Variants in STAT5A observed in about 807,000 individuals in gnomAD.
The protein encoded by STAT5A is signal transducer and activator of transcription 5A.
A neutral mutation model predicts 100.2 loss-of-function variants in STAT5A; 26 were observed. The observed-to-expected ratio is 0.26, with a 90% confidence interval of 0.19 to 0.36. STAT5A has a LOEUF of 0.36. Ranked by LOEUF, STAT5A falls within the 10% of genes least tolerant of loss-of-function variation. STAT5A has a pLI of 1.00. For synonymous variants in STAT5A, 330 were observed against 424.3 expected (o/e 0.78, Z 2.73); for missense variants, 634 against 1,027.5 (o/e 0.62, Z 5.24).
rs1441088020 is a variant in STAT5A at position 42,310,632 on chromosome 17, C to T, written c.2348C>T (p.Ala783Val). 1.2e-6 allele frequency: 2 copies of T among 1,614,084 alleles called. No homozygotes were observed. The highest frequency in any genetic ancestry group is 1.7e-6 in the Non-Finnish European group (2 of 1,180,040). ...DSLDSRLSPP[A>V]GLFTSARGSL... ...CTTGACTCCCGCCTCTCGCCCCCTG[C>T]CGGTCTTTTCACCTCTGCCAGAGGC... Residue 783 changes from alanine to valine, a missense_variant, in exon 19 of 19, where the codon GCC becomes GTC. By Grantham distance (64) the Ala-to-Val change is moderately conservative. Coordinates refer to ENST00000590949, the MANE Select transcript of STAT5A (RefSeq NM_001288718.2).
chr17:42,305,808 G>C (rs983745919), intron 12 of STAT5A, 106 bp downstream of exon 12: 19 of 1,232,976 alleles, frequency 1.5e-5, no homozygotes, highest in Non-Finnish European at 2.2e-5. Context: ...CTCACCCCAG[G>C]GCCAGCCCAG....
At chr17:42,301,503 T>C (rs755359670) in intron 9 of STAT5A, 49 bp downstream of exon 9, 4 of 1,603,578 alleles carry the variant, frequency 2.5e-6, no homozygotes, top group East Asian at 2.2e-5. Context: ...GTGGGGGACC[T>C]GCACCCCCCG....
rs751786374 is a variant in STAT5A at position 42,308,419 on chromosome 17, A to T, written c.2062+86A>T. ...CAAAGCCTTGGGCTGCGCCGTGGGG[A>T]CTTCCCCAGGAGGAGCCTAGGGGCC... On this transcript the variant is annotated intron_variant, in intron 16 of 18. Coordinates refer to ENST00000590949, the MANE Select transcript of STAT5A (RefSeq NM_001288718.2). The surrounding 1 kb of genome is among the most constrained non-coding windows in gnomAD (Gnocchi z 4.6). 6.3e-7 allele frequency: 1 copy of T among 1,592,516 alleles called. No individual in the cohort carries two copies. Among genetic ancestry groups the T allele is most frequent in the Non-Finnish European group, 8.6e-7 (1 of 1,167,744 alleles).
At position 42,289,888 on chromosome 17, in the gene STAT5A, C is replaced by T. The variant is rs745515755; in HGVS notation, c.151C>T (p.Pro51Ser). Residue 51 changes from proline to serine, a missense_variant, in exon 3 of 19, where the codon CCC becomes TCC. By Grantham distance (74) the Pro-to-Ser change is moderately conservative (BLOSUM62 -1). Transcript: ENST00000590949. ...QPWDAIDLDN[P>S]QDRAQATQLL... ...AAGGGATGCCATTGACTTGGACAAT[C>T]CCCAGGACAGAGCCCAAGCCACCCA... The T allele has an allele frequency of 7.6e-6, 12 of 1,583,058 alleles. No homozygotes were observed. The highest frequency in any genetic ancestry group is 1.2e-5 in the South Asian group (1 of 86,618).
At chr17:42,298,657 G>A (rs1445797077) in intron 5 of STAT5A, among the ~76,000 whole-genome samples, 1 of 151,792 alleles carries the variant, frequency 6.6e-6, no homozygotes, top group African/African-American at 2.4e-5. Context: ...GTTTTTAGTA[G>A]AGATGGGGTT....
Position 42,295,820 on chromosome 17 carries a change from T to C in STAT5A, c.550+27T>C, listed in dbSNP as rs542985659. ...TGAGGCGCGGTGGAGGCAGTGTGCA[T>C]CCGGAGGGTGGGAGTGAGGAACATT... On this transcript the variant is annotated intron_variant, in intron 5 of 18. Transcript: ENST00000590949. 45 of 1,611,460 alleles carry C rather than the reference T, an allele frequency of 2.8e-5. No individual in the cohort carries two copies. The South Asian group carries it at 4.7e-4, about 17-fold the overall frequency.
Position 42,289,444 on chromosome 17 carries a change from G to T in STAT5A, c.33G>T (p.Gln11His). MAGWIQAQQL[Q>H]GDALRQMQVL... Reference sequence around the variant, plus strand: ...GCTGGATCCAGGCCCAGCAGCTGCAGGGAGACGCGCTGCGCCAGATGCAGG... The same window carrying T: ...GCTGGATCCAGGCCCAGCAGCTGCATGGAGACGCGCTGCGCCAGATGCAGG... Residue 11 changes from glutamine to histidine, a missense_variant, in exon 2 of 19, where the codon CAG (glutamine) becomes CAT (histidine). Coordinates refer to ENST00000590949, the MANE Select transcript of STAT5A (RefSeq NM_001288718.2). 1 of 1,612,760 alleles carries T rather than the reference G, an allele frequency of 6.2e-7. No individual in the cohort carries two copies. The highest frequency in any genetic ancestry group is 8.5e-7 in the Non-Finnish European group (1 of 1,179,796).
At position 42,296,180 on chromosome 17, in the gene STAT5A, A is replaced by G. The variant is rs537097856; in HGVS notation, c.550+387A>G. Among the ~76,000 whole-genome samples, 57 of 152,308 alleles carry G rather than the reference A, an allele frequency of 3.7e-4. 1 individual carries two copies. Among genetic ancestry groups the G allele is most frequent in the African/African-American group, 1.3e-3 (55 of 41,542 alleles). On this transcript the variant is annotated intron_variant, in intron 5 of 18. Coordinates refer to ENST00000590949, the MANE Select transcript of STAT5A (RefSeq NM_001288718.2). ...CCTTAATGGTATGTATTCTGTAAAT[A>G]TCGACACAAATAGGTAAATATGAAC...
At chr17:42,301,511 C>G in intron 9 of STAT5A, 57 bp downstream of exon 9, 3 of 1,598,158 alleles carry the variant, frequency 1.9e-6, no homozygotes, top group Non-Finnish European at 2.6e-6. Context: ...CCTGCACCCC[C>G]CGCTTTGTCC....
rs115456777 is a variant in STAT5A at position 42,311,175 on chromosome 17, C to T, written c.*506C>T. 2,108 of 162,256 alleles carry T rather than the reference C, an allele frequency of 0.013. 47 individuals carry two copies. The highest frequency in any genetic ancestry group is 0.048 in the African/African-American group (2,013 of 41,896). 10.1% of individuals were successfully genotyped at this position (162,256 alleles called of 1,614,324 possible). A position where few individuals can be genotyped will look rare whatever the true frequency, so the allele number is the denominator to read the frequency against. On this transcript the variant is annotated 3_prime_UTR_variant, in exon 19 of 19. Transcript: ENST00000590949. ...ATCTGTCCTCATGTGTTGATGTAAC[C>T]GATTCATCTCTCAGAAGGGAGGCTG...
Position 42,304,346 on chromosome 17 carries a change from T to C in STAT5A, c.1174T>C (p.Cys392Arg). Reference sequence around the variant, plus strand: ...GGACCCCCCTCTCCTTTGCAGCGAGTGCAGTGGTGAGATCCTGAACAACTG... The same window carrying C: ...GGACCCCCCTCTCCTTTGCAGCGAGCGCAGTGGTGAGATCCTGAACAACTG... ...LLKNENTRNE[C>R]SGEILNNCCV... Residue 392 changes from cysteine (C) to arginine (R), a missense_variant, in exon 10 of 19, where the codon TGC (cysteine) becomes CGC (arginine). Cys to Arg is a radical substitution (Grantham distance 180). Transcript: ENST00000590949. The surrounding 1 kb of genome is among the most constrained non-coding windows in gnomAD (Gnocchi z 4.8). 9.9e-6 allele frequency: 16 copies of C among 1,614,084 alleles called. No homozygotes were observed. Among genetic ancestry groups the C allele is most frequent in the Non-Finnish European group, 1.4e-5 (16 of 1,180,026 alleles).
In STAT5A at chr17:42,311,404, C is replaced by T. The variant is rs1487931978; in HGVS notation, c.*735C>T. ...TCATTCAAGTCTATGATGCTGTTGCCCACGTTTCCCGGGATATATATTCTC... is the reference window on the plus strand; with the variant it reads ...TCATTCAAGTCTATGATGCTGTTGCTCACGTTTCCCGGGATATATATTCTC... On this transcript the variant is annotated 3_prime_UTR_variant, in exon 19 of 19. Transcript: ENST00000590949. 3 of 152,244 alleles carry T rather than the reference C, an allele frequency of 2.0e-5. No individual in the cohort carries two copies. The highest frequency in any genetic ancestry group is 2.0e-4 in the Admixed American group (3 of 15,236). The allele number at this position is 152,244 out of a possible 1,614,324, so 9.4% of individuals were successfully genotyped here.
intron 9 of STAT5A, among the ~76,000 whole-genome samples, chr17:42,303,582 C>T (rs1031161544): frequency 2.0e-5 from 3 of 151,798 alleles, no homozygotes; most frequent in Admixed American, 6.6e-5. Flanking sequence ...TGGTTGTGTG[C>T]GCCTGTAGTC....
chr17:42,298,472 C>CTT (rs1165911823), intron 5 of STAT5A, among the ~76,000 whole-genome samples: 9 of 127,070 alleles, frequency 7.1e-5, no homozygotes, highest in African/African-American at 5.8e-5. Context: ...ATGATGGATA[C>CTT]TTTTTTTTTT....
chr17:42,303,948 T>C (rs1271275624), intron 9 of STAT5A, among the ~76,000 whole-genome samples: 1 of 151,954 alleles, frequency 6.6e-6, no homozygotes, highest in African/African-American at 2.4e-5. Context: ...CAACGGGGCT[T>C]GCATGTCCTG....
At chr17:42,291,427 C>T (rs1427660093) in intron 3 of STAT5A, among the ~76,000 whole-genome samples, 1 of 152,146 alleles carries the variant, frequency 6.6e-6, no homozygotes, top group African/African-American at 2.4e-5. Context: ...ATTGGAAGTG[C>T]TTCATAAGAC....
Position 42,309,409 on chromosome 17 carries a change from G to A in STAT5A, c.2147G>A (p.Ser716Asn). ...FVNASADAGGSSATYMDQAPS... is the reference protein window; with the variant it reads ...FVNASADAGGNSATYMDQAPS... Reference sequence around the variant, plus strand: ...AATGCATCTGCAGATGCTGGGGGCAGCAGCGCCACGTACATGGACCAGGCC... The same window carrying A: ...AATGCATCTGCAGATGCTGGGGGCAACAGCGCCACGTACATGGACCAGGCC... The change falls in exon 18 of 19, where the codon AGC becomes AAC. Residue 716 changes from serine (S) to asparagine (N), a missense_variant. This residue lies in a region of STAT5A where 210 missense variants were observed against 428.4 expected (regional missense o/e 0.49). Transcript: ENST00000590949. The A allele has an allele frequency of 6.2e-7, 1 of 1,613,218 alleles. No individual in the cohort carries two copies. Among genetic ancestry groups the A allele is most frequent in the Non-Finnish European group, 8.5e-7 (1 of 1,179,960 alleles).
chr17:42,299,244 T>G (rs1183078364), intron 5 of STAT5A, among the ~76,000 whole-genome samples: 1 of 152,204 alleles, frequency 6.6e-6, no homozygotes, highest in Non-Finnish European at 1.5e-5. Flanking sequence ...CTCACCCATG[T>G]CAGGCAGCTT....
intron 4 of STAT5A, among the ~76,000 whole-genome samples, chr17:42,294,894 T>C (rs1165608575): frequency 7.1e-6 from 1 of 141,738 alleles, no homozygotes; most frequent in Non-Finnish European, 1.5e-5. Context: ...TCTACCCCTC[T>C]CTCTCTATTT....
Sources: allele counts gnomAD v4.1 joint callset (sites outside exome capture counted in the v4.1 genomes callset), GRCh38; gene constraint gnomAD v4.1.1; regional missense constraint gnomAD v4.1.1; non-coding constraint Gnocchi (gnomAD v3.1); transcripts MANE v1.5; gene names NCBI Gene and HGNC (gene_info 2026-07-23, HGNC 2026-07-21).